MICU2: variants seen among roughly 807,000 people sequenced by gnomAD.
MICU2 encodes the protein mitochondrial calcium uptake 2, also known as calcium uptake protein 2, mitochondrial.
Under a neutral mutation model 60.4 loss-of-function variants are expected in MICU2, and 64 were observed. The ratio of observed to expected loss-of-function variants is 1.06; its 90% CI spans 0.87 to 1.31. MICU2 has a LOEUF of 1.31. Ranked by LOEUF, MICU2 falls within the 50% of genes most tolerant of loss-of-function variation. The pLI is 0.00. For synonymous variants in MICU2, 201 were observed against 175.0 expected (o/e 1.15, Z -1.17); for missense variants, 569 against 531.0 (o/e 1.07, Z -0.70).
At chr13:21,565,691 G>C (rs564042513) in intron 2 of MICU2, among the ~76,000 whole-genome samples, 1 of 151,976 alleles carries the variant, frequency 6.6e-6, no homozygotes, top group East Asian at 1.9e-4. Context: ...AAATTAGCCA[G>C]GCATGGTGGT....
At chr13:21,580,034 C>T (rs1888314664) in intron 1 of MICU2, among the ~76,000 whole-genome samples, 1 of 152,160 alleles carries the variant, frequency 6.6e-6, no homozygotes, top group Non-Finnish European at 1.5e-5. Flanking sequence ...CACTTTACTA[C>T]TTCAATTGCC....
At position 21,539,692 on chromosome 13, in the gene MICU2, C is replaced by T. The variant is rs377404805; in HGVS notation, c.359-4G>A. The T allele has an allele frequency of 2.6e-5, 42 of 1,613,554 alleles. No homozygotes were observed. The highest frequency in any genetic ancestry group is 4.0e-5 in the African/African-American group (3 of 74,906). On this transcript the variant is annotated splice_region_variant and splice_polypyrimidine_tract_variant and intron_variant, in intron 2 of 11. Coordinates refer to ENST00000382374, the MANE Select transcript of MICU2 (RefSeq NM_152726.3). ...AGCTTCTTGACTGAAGTTTTACCTA[C>T]AACAAATAAGAAACATTATTTAGTA...
At chr13:21,521,473 C>T (rs1413080950) in intron 5 of MICU2, 146 bp from the exon 6 acceptor site, 4 of 609,410 alleles carry the variant, frequency 6.6e-6, no homozygotes, top group Non-Finnish European at 1.1e-5. Context: ...TATAACAATT[C>T]CAAAGGCTGA....
At chr13:21,532,897 AT>A (rs924028045) in intron 4 of MICU2, among the ~76,000 whole-genome samples, 1 of 152,168 alleles carries the variant, frequency 6.6e-6, no homozygotes, top group Non-Finnish European at 1.5e-5. Context: ...TAAAGGAAAA[AT>A]TTTTTACTCT....
At chr13:21,562,232 T>C (rs1248561716) in intron 2 of MICU2, among the ~76,000 whole-genome samples, 2 of 152,126 alleles carry the variant, frequency 1.3e-5, no homozygotes, top group African/African-American at 4.8e-5. Context: ...TACCCAGTGA[T>C]GGGATGGCTG....
chr13:21,535,994 G>C (rs1303617989), intron 4 of MICU2, among the ~76,000 whole-genome samples: 1 of 152,090 alleles, frequency 6.6e-6, no homozygotes, highest in Non-Finnish European at 1.5e-5. Context: ...ACACACTTTT[G>C]TTCACTAACC....
At chr13:21,555,614 T>C (rs1887688278) in intron 2 of MICU2, among the ~76,000 whole-genome samples, 1 of 152,204 alleles carries the variant, frequency 6.6e-6, no homozygotes, top group South Asian at 2.1e-4. Context: ...TAAATAGACT[T>C]ATTTTAACTT....
intron 4 of MICU2, among the ~76,000 whole-genome samples, chr13:21,537,877 G>C (rs1887173681): frequency 6.6e-6 from 1 of 152,076 alleles, no homozygotes; most frequent in Admixed American, 6.5e-5. Context: ...ATGCTCATTT[G>C]TTCACCCTTT....
At chr13:21,562,026 A>C (rs572560201) in intron 2 of MICU2, among the ~76,000 whole-genome samples, 16 of 150,526 alleles carry the variant, frequency 1.1e-4, no homozygotes, top group Middle Eastern at 3.4e-3. Flanking sequence ...CCATGTCCCT[A>C]CAAAGGACAT....
chr13:21,566,862 T>G lies in MICU2; in HGVS notation c.293A>C (p.His98Pro), dbSNP rs748406109. The G allele has an allele frequency of 6.2e-7, 1 of 1,613,348 alleles. No homozygotes were observed. Among genetic ancestry groups the G allele is most frequent in the Non-Finnish European group, 8.5e-7 (1 of 1,179,666 alleles). The change falls in exon 2 of 12, where the codon CAT (histidine) becomes CCT (proline). Residue 98 changes from histidine (H) to proline (P), a missense_variant. Coordinates refer to ENST00000382374, the MANE Select transcript of MICU2 (RefSeq NM_152726.3). Reference protein sequence around the residue: ...QRFMQFSSLEHEGEYYMTPRD... With the variant: ...QRFMQFSSLEPEGEYYMTPRD... ...TGGTGTCATATAATATTCTCCTTCA[T>G]GTTCGAGTGAAGAAAACTGCATGAA... is the stretch of plus-strand genomic sequence containing the variant.
At chr13:21,555,539 C>T (rs1269729267) in intron 2 of MICU2, among the ~76,000 whole-genome samples, 1 of 152,114 alleles carries the variant, frequency 6.6e-6, no homozygotes, top group Non-Finnish European at 1.5e-5. Context: ...TAATAGCTAT[C>T]TATGACAAAC....
intron 1 of MICU2, among the ~76,000 whole-genome samples, chr13:21,580,589 T>TC (rs1888325823): frequency 1.3e-5 from 2 of 152,144 alleles, no homozygotes; most frequent in South Asian, 4.2e-4. Context: ...GAAGTACTCT[T>TC]AAATATTTAA....
rs199518710 is a variant in MICU2, at chr13:21,574,831, C to A, written c.211-7887G>T. The stretch of plus-strand genomic sequence containing the variant: ...TGACTATCTTTCCTTCTTAAAGAAA[C>A]CTTTACAATCAGAAATTTTCATTTG... On this transcript the variant is annotated intron_variant, in intron 1 of 11. Transcript: ENST00000382374. 2.2e-4 allele frequency among the ~76,000 whole-genome samples: 33 copies of A among 152,290 alleles called. No homozygotes were observed. The East Asian group carries it at 6.2e-3, about 28-fold the overall frequency.
At chr13:21,511,644 A>G (rs1886430012) in intron 7 of MICU2, among the ~76,000 whole-genome samples, 1 of 152,170 alleles carries the variant, frequency 6.6e-6, no homozygotes, top group East Asian at 1.9e-4. Context: ...ACATTCCTTC[A>G]CCACAAGGAT....
chr13:21,510,738 A>C (rs1886409068), intron 7 of MICU2, among the ~76,000 whole-genome samples: 1 of 152,190 alleles, frequency 6.6e-6, no homozygotes, highest in African/African-American at 2.4e-5. Flanking sequence ...ATCGTCTAGC[A>C]TGTCTCCTAA....
intron 9 of MICU2, among the ~76,000 whole-genome samples, chr13:21,501,143 C>T (rs1886140434): frequency 1.3e-5 from 2 of 152,178 alleles, no homozygotes; most frequent in Non-Finnish European, 2.9e-5. Flanking sequence ...TTCATAATTA[C>T]TAAATTTTTC....
chr13:21,585,781 C>A (rs891300312), intron 1 of MICU2, among the ~76,000 whole-genome samples: 1 of 152,088 alleles, frequency 6.6e-6, no homozygotes, highest in Admixed American at 6.5e-5. Flanking sequence ...TTAAACATAA[C>A]GGTCCACATT....
At position 21,562,751 on chromosome 13, in the gene MICU2, CTAT is replaced by C. The variant is rs536649880; in HGVS notation, c.358+4043_358+4045del. Among the ~76,000 whole-genome samples the C allele has an allele frequency of 6.1e-4, 93 of 152,220 alleles. 1 individual carries two copies. Among genetic ancestry groups the C allele is most frequent in the South Asian group, 4.3e-3 (21 of 4,830 alleles). On this transcript the variant is annotated intron_variant, in intron 2 of 11. Transcript: ENST00000382374. ...AATTTGATCATCCAATATTGTGTTG[CTAT>C]TATTATTTTGATTAAACTGTTATCT...
chr13:21,498,504 G>C (rs987510348), intron 9 of MICU2, among the ~76,000 whole-genome samples: 1 of 149,684 alleles, frequency 6.7e-6, no homozygotes, highest in Admixed American at 6.8e-5. Flanking sequence ...TCAGCCGCCT[G>C]AGTAGCTAGG....
Sources: allele counts gnomAD v4.1 joint callset (sites outside exome capture counted in the v4.1 genomes callset), GRCh38; gene constraint gnomAD v4.1.1; transcripts MANE v1.5; gene names NCBI Gene and HGNC (gene_info 2026-07-23, HGNC 2026-07-21).